OXR1: variants seen among roughly 807,000 people sequenced by gnomAD.
OXR1 encodes the protein oxidation resistance 1, also known as oxidation resistance protein 1.
OXR1 carries 41 observed loss-of-function variants against 104.6 expected under a neutral mutation model. The ratio of observed to expected loss-of-function variants is 0.39; its 90% CI spans 0.31 to 0.51. The LOEUF is 0.51. Ranked by LOEUF, OXR1 falls within the 20% of genes least tolerant of loss-of-function variation. OXR1 has a pLI of 0.77. For synonymous variants in OXR1, 348 were observed against 348.4 expected (o/e 1.00, Z 0.01); for missense variants, 955 against 1,031.9 (o/e 0.93, Z 1.02).
chr8:106,697,395 G>A, intron 7 of OXR1: 1 of 1,349,190 alleles, frequency 7.4e-7, no homozygotes, highest in Non-Finnish European at 1.0e-6. Context: ...ACCACTCGTG[G>A]GAGGGCAGGG....
chr8:106,283,693 A>G (rs1224521506), intron 1 of OXR1, among the ~76,000 whole-genome samples: 1 of 152,170 alleles, frequency 6.6e-6, no homozygotes, highest in Non-Finnish European at 1.5e-5. Context: ...ATACATACCC[A>G]TTTTAAAGCT....
chr8:106,619,285 ACTAT>A (rs1451576255), intron 3 of OXR1, among the ~76,000 whole-genome samples: 37 of 152,286 alleles, frequency 2.4e-4, no homozygotes, highest in African/African-American at 8.2e-4. Context: ...TAAGAGGTTG[ACTAT>A]CTTTTCTTTT....
intron 1 of OXR1, among the ~76,000 whole-genome samples, chr8:106,312,935 G>A (rs912776030): frequency 6.6e-6 from 1 of 152,094 alleles, no homozygotes; most frequent in Non-Finnish European, 1.5e-5. Flanking sequence ...AGGGACTTCT[G>A]TTTGGAAGGG....
At chr8:106,517,580 C>A (rs1270072508) in intron 2 of OXR1, among the ~76,000 whole-genome samples, 1 of 126,160 alleles carries the variant, frequency 7.9e-6, no homozygotes, top group Non-Finnish European at 1.6e-5. Context: ...CCACCACCAG[C>A]AGGGCAGAAT....
chr8:106,417,771 G>T (rs1013467632), intron 2 of OXR1, among the ~76,000 whole-genome samples: 9 of 152,008 alleles, frequency 5.9e-5, no homozygotes, highest in African/African-American at 2.2e-4. Context: ...GTTCAGTCAG[G>T]GTCCCAACCG....
chr8:106,620,541 G>A (rs1159890716), intron 3 of OXR1, among the ~76,000 whole-genome samples: 1 of 152,110 alleles, frequency 6.6e-6, no homozygotes, highest in African/African-American at 2.4e-5. Flanking sequence ...TCCTGGCACT[G>A]TGGTTCTAAC....
At chr8:106,384,403 C>T (rs1216559416) in intron 2 of OXR1, among the ~76,000 whole-genome samples, 2 of 152,194 alleles carry the variant, frequency 1.3e-5, no homozygotes, top group African/African-American at 4.8e-5. Flanking sequence ...AATGACAGTG[C>T]TGTGCTACAT....
At chr8:106,523,915 C>A (rs1219683362) in intron 3 of OXR1, among the ~76,000 whole-genome samples, 1 of 152,012 alleles carries the variant, frequency 6.6e-6, no homozygotes, top group Admixed American at 6.6e-5. Flanking sequence ...GCTGGGACTA[C>A]AGGCGCCCAC....
At chr8:106,704,084 C>T (rs1201078483) in intron 8 of OXR1, among the ~76,000 whole-genome samples, 9 of 152,062 alleles carry the variant, frequency 5.9e-5, no homozygotes, top group Non-Finnish European at 1.3e-4. Context: ...CAAAAGTCTC[C>T]ACTGTACCTT....
intron 11 of OXR1, among the ~76,000 whole-genome samples, chr8:106,722,553 C>T (rs1832908710): frequency 6.6e-6 from 1 of 152,144 alleles, no homozygotes; most frequent in Admixed American, 6.5e-5. Flanking sequence ...GATGTCATAA[C>T]ATCATAGTAC....
chr8:106,564,318 C>T (rs1170763736), intron 3 of OXR1, among the ~76,000 whole-genome samples: 1 of 152,096 alleles, frequency 6.6e-6, no homozygotes, highest in African/African-American at 2.4e-5. Context: ...ACTGATCCCA[C>T]AGAAATACAA....
At chr8:106,594,189 T>C (rs1025331371) in intron 3 of OXR1, among the ~76,000 whole-genome samples, 37 of 150,274 alleles carry the variant, frequency 2.5e-4, no homozygotes, top group African/African-American at 9.0e-4. Flanking sequence ...TGAGGCTTTA[T>C]TTTTTTTTTC....
At chr8:106,501,413 A>G (rs1330147047) in intron 2 of OXR1, among the ~76,000 whole-genome samples, 2 of 152,246 alleles carry the variant, frequency 1.3e-5, no homozygotes, top group African/African-American at 2.4e-5. Context: ...CTTGCAGAGT[A>G]TGGTGAGTGG....
chr8:106,616,030 C>CTTT lies in OXR1; in HGVS notation c.221-63159_221-63157dup, dbSNP rs10718309. Among the ~76,000 whole-genome samples the CTTT allele has an allele frequency of 5.0e-3, 365 of 73,274 alleles. 2 individuals carry two copies. The highest frequency in any genetic ancestry group is 5.6e-3 in the African/African-American group (103 of 18,322). The allele number at this position is 73,274 out of a possible 152,430, so 48.1% of individuals were successfully genotyped here. A position where few individuals can be genotyped will look rare whatever the true frequency, so the allele number is the denominator to read the frequency against. ...AAATTAATATCCAATGAAACACCTT[C>CTTT]TTTTTTTTTTTTTTTTTTTTTTTGA... On this transcript the variant is annotated intron_variant, in intron 3 of 16. Transcript: ENST00000517566.
chr8:106,748,466 C>A (rs1359178003), intron 16 of OXR1, among the ~76,000 whole-genome samples: 1 of 147,492 alleles, frequency 6.8e-6, no homozygotes, highest in Non-Finnish European at 1.5e-5. Context: ...CAACTCTCTT[C>A]TTGAGTGACA....
intron 2 of OXR1, among the ~76,000 whole-genome samples, chr8:106,378,005 G>T (rs771068164): frequency 3.3e-5 from 5 of 152,036 alleles, no homozygotes; most frequent in Admixed American, 6.6e-5. Context: ...TTATTTTGTT[G>T]TGTTCTTTTT....
At chr8:106,694,921 ATATATT>A (rs1829813490) in intron 7 of OXR1, among the ~76,000 whole-genome samples, 1 of 130,712 alleles carries the variant, frequency 7.7e-6, no homozygotes, top group African/African-American at 2.7e-5. Context: ...ACATATTTAT[ATATATT>A]TATATATATA....
chr8:106,734,973 C>A (rs565405680), intron 11 of OXR1, among the ~76,000 whole-genome samples: 1 of 152,016 alleles, frequency 6.6e-6, no homozygotes, highest in South Asian at 2.1e-4. Context: ...TAATTCAGAG[C>A]GTGATAAGGG....
chr8:106,520,740 TTC>T (rs1268283107), intron 3 of OXR1, among the ~76,000 whole-genome samples: 5 of 152,212 alleles, frequency 3.3e-5, no homozygotes, highest in Non-Finnish European at 5.9e-5. Flanking sequence ...ACCACTATCC[TTC>T]TCTCCTCTGC....
Sources: allele counts gnomAD v4.1 joint callset (sites outside exome capture counted in the v4.1 genomes callset), GRCh38; gene constraint gnomAD v4.1.1; transcripts MANE v1.5; gene names NCBI Gene and HGNC (gene_info 2026-07-23, HGNC 2026-07-21).